GALNT13: variants seen among roughly 807,000 people sequenced by gnomAD.
The protein encoded by GALNT13 is polypeptide N-acetylgalactosaminyltransferase 13, also known as UDP-GalNAc:polypeptide N-acetylgalactosaminyltransferase 13.
Under a neutral mutation model 64.2 loss-of-function variants are expected in GALNT13, and 28 were observed. The observed-to-expected ratio is 0.44, with a 90% CI of 0.32 to 0.60. GALNT13 has a LOEUF of 0.60. Ranked by LOEUF, GALNT13 falls within the 20% of genes least tolerant of loss-of-function variation. The pLI, the probability that GALNT13 is intolerant of heterozygous loss-of-function variation, is 0.05. For missense variants in GALNT13, 577 were observed against 669.8 expected (o/e 0.86, Z 1.53); for synonymous variants, 214 against 224.6 (o/e 0.95, Z 0.42).
At chr2:153,959,676 T>G (rs1268891078) in intron 3 of GALNT13, among the ~76,000 whole-genome samples, 1 of 152,210 alleles carries the variant, frequency 6.6e-6, no homozygotes, top group African/African-American at 2.4e-5. Flanking sequence ...TGGCACAGAC[T>G]GTGGGACCTG....
chr2:153,316,773 T>C, the GALNT13 span, among the ~76,000 whole-genome samples: 1 of 151,962 alleles, frequency 6.6e-6, no homozygotes, highest in East Asian at 1.9e-4. Context: ...CTGCTCAGTG[T>C]GAAGAAGAAC....
At chr2:153,687,649 T>C in the GALNT13 span, among the ~76,000 whole-genome samples, 2 of 152,106 alleles carry the variant, frequency 1.3e-5, no homozygotes, top group East Asian at 3.9e-4. Context: ...TAACAATTAA[T>C]AGTAATTTAA....
chr2:153,310,263 C>G, the GALNT13 span, among the ~76,000 whole-genome samples: 3 of 152,168 alleles, frequency 2.0e-5, no homozygotes, highest in East Asian at 5.8e-4. Flanking sequence ...ATCCTATTAT[C>G]TGTTAATGTA....
the GALNT13 span, among the ~76,000 whole-genome samples, chr2:153,629,663 A>C: frequency 1.3e-5 from 2 of 152,084 alleles, no homozygotes; most frequent in South Asian, 4.1e-4. Context: ...TAATTAAACT[A>C]AAGAGCTTCT....
At chr2:153,618,989 T>A in the GALNT13 span, among the ~76,000 whole-genome samples, 2 of 152,018 alleles carry the variant, frequency 1.3e-5, no homozygotes, top group Non-Finnish European at 2.9e-5. Context: ...AGTCTCTGTC[T>A]TTTGATTGGA....
At chr2:154,114,006 T>C (rs905600526) in intron 3 of GALNT13, among the ~76,000 whole-genome samples, 1 of 152,214 alleles carries the variant, frequency 6.6e-6, no homozygotes, top group African/African-American at 2.4e-5. Context: ...GCTTAGCTTA[T>C]GATAATCCAC....
At chr2:153,948,423 A>C (rs754904779) in intron 3 of GALNT13, among the ~76,000 whole-genome samples, 12 of 152,098 alleles carry the variant, frequency 7.9e-5, no homozygotes, top group Non-Finnish European at 1.8e-4. Context: ...AATTAGTTCA[A>C]CTATTGTGGA....
At chr2:154,087,591 C>A (rs920049058) in intron 3 of GALNT13, among the ~76,000 whole-genome samples, 11 of 152,010 alleles carry the variant, frequency 7.2e-5, no homozygotes, top group African/African-American at 2.2e-4. Flanking sequence ...TTATAAAGCA[C>A]AATTATGTTT....
chr2:154,145,570 G>GA (rs909589299), intron 4 of GALNT13, among the ~76,000 whole-genome samples: 80 of 151,846 alleles, frequency 5.3e-4, no homozygotes, highest in African/African-American at 1.8e-3. Flanking sequence ...TTTTCATCAG[G>GA]AAAAAATTGA....
intron 8 of GALNT13, among the ~76,000 whole-genome samples, chr2:154,298,670 C>CAATGTATATATAATTTATATATAA (rs1693179740): frequency 3.4e-4 from 2 of 5,812 alleles, no homozygotes; most frequent in East Asian, 2.0e-3. Context: ...TTTATATATA[C>CAATGTATATATAATTTATATATAA]ATTGTATATA....
At chr2:153,470,383 T>C in the GALNT13 span, among the ~76,000 whole-genome samples, 1 of 152,146 alleles carries the variant, frequency 6.6e-6, no homozygotes, top group Non-Finnish European at 1.5e-5. Context: ...GAGTACACCC[T>C]TCTTCCTGCA....
chr2:153,553,875 G>A, the GALNT13 span, among the ~76,000 whole-genome samples: 86,586 of 151,918 alleles, frequency 0.57, 28,000 homozygotes, highest in African/African-American at 0.87. Flanking sequence ...GGGGCTCTGC[G>A]GAGGATGGAC....
In GALNT13 at chr2:154,443,152, A is replaced by T. The variant is rs114736677; in HGVS notation, c.1530+4426A>T. 5.7e-3 allele frequency among the ~76,000 whole-genome samples: 872 copies of T among 152,148 alleles called. 6 individuals are homozygous for T. Among genetic ancestry groups the T allele is most frequent in the African/African-American group, 0.02 (833 of 41,538 alleles). The stretch of plus-strand genomic sequence containing the variant: ...AAACAATGGCTCAATTTACCTTTTG[A>T]AGGTTGTGTGCATTACACAGTTATT... On this transcript the variant is annotated intron_variant, in intron 12 of 12. Coordinates refer to ENST00000392825, the MANE Select transcript of GALNT13 (RefSeq NM_052917.4).
chr2:153,137,189 G>A, the GALNT13 span, among the ~76,000 whole-genome samples: 626 of 152,182 alleles, frequency 4.1e-3, 4 homozygotes, highest in Non-Finnish European at 6.0e-3. Context: ...ATTGGGCCAC[G>A]TTTTTGAAAA....
chr2:153,320,548 C>T, the GALNT13 span, among the ~76,000 whole-genome samples: 2 of 152,148 alleles, frequency 1.3e-5, no homozygotes, highest in African/African-American at 2.4e-5. Context: ...ACTTCTTTGG[C>T]TTATGAAAAG....
At chr2:153,435,359 T>G in the GALNT13 span, among the ~76,000 whole-genome samples, 1 of 152,206 alleles carries the variant, frequency 6.6e-6, no homozygotes, top group African/African-American at 2.4e-5. Context: ...TTTCCAATTC[T>G]GTGAAGAAAG....
the GALNT13 span, among the ~76,000 whole-genome samples, chr2:153,582,492 G>A: frequency 6.6e-6 from 1 of 152,050 alleles, no homozygotes; most frequent in Non-Finnish European, 1.5e-5. Flanking sequence ...GATTTCAGGT[G>A]CCATAAGTCA....
intron 4 of GALNT13, among the ~76,000 whole-genome samples, chr2:154,216,244 A>G (rs1688033972): frequency 1.3e-5 from 2 of 152,082 alleles, no homozygotes; most frequent in Admixed American, 6.6e-5. Context: ...TTCAGAGTGT[A>G]TTATCATGAA....
intron 6 of GALNT13, among the ~76,000 whole-genome samples, chr2:154,243,235 C>CTTGTGA (rs1194518066): frequency 4.6e-5 from 7 of 151,990 alleles, no homozygotes; most frequent in Non-Finnish European, 1.0e-4. Flanking sequence ...TGACAACCAC[C>CTTGTGA]CTGTGAGGTA....
Sources: gnomAD v4.1 joint callset for allele counts (sites outside exome capture counted in the v4.1 genomes callset) on GRCh38, gnomAD v4.1.1 for gene constraint, MANE v1.5 for transcripts, NCBI Gene and HGNC (gene_info 2026-07-23, HGNC 2026-07-21) for gene names.